The following MAP2K5 variants were observed in gnomAD, a reference collection of about 807,000 sequenced individuals.
MAP2K5 encodes the protein dual specificity mitogen-activated protein kinase kinase 5.
A neutral mutation model predicts 83.1 loss-of-function variants in MAP2K5; 49 were observed. The observed-to-expected ratio is 0.59, with a 90% confidence interval of 0.47 to 0.75. The LOEUF (loss-of-function observed/expected upper bound fraction) is 0.75. Ranked by LOEUF, MAP2K5 falls within the 30% of genes least tolerant of loss-of-function variation. MAP2K5 has a pLI of 0.00. For synonymous variants in MAP2K5, 202 were observed against 191.8 expected, an observed-to-expected ratio of 1.05 and a Z score of -0.44; for missense variants, 457 against 557.5, an observed-to-expected ratio of 0.82 and a Z score of 1.82.
chr15:67,723,288 A>G (rs896713583), intron 16 of MAP2K5, among the ~76,000 whole-genome samples: 1 of 152,218 alleles, frequency 6.6e-6, no homozygotes, highest in Non-Finnish European at 1.5e-5. Flanking sequence ...ACAGGCACAC[A>G]TACAAATATA....
At position 67,781,587 on chromosome 15, in the gene MAP2K5, G is replaced by A. The variant is rs764578708; in HGVS notation, c.1242+8835G>A. Among the ~76,000 whole-genome samples, 29 of 152,170 alleles carry A rather than the reference G, an allele frequency of 1.9e-4. No individual in the cohort carries two copies. The highest frequency in any genetic ancestry group is 3.7e-4 in the Non-Finnish European group (25 of 68,036). On this transcript the variant is annotated intron_variant, in intron 21 of 21. Transcript: ENST00000178640. This position sits in a 1 kb window ranked among gnomAD's most constrained non-coding sequence, Gnocchi z 4.0. ...TCTACCGAGAGACATTTGCTGGAGT[G>A]TGGACTAGTTTCTTTCCAGTATCGT...
rs10775194 is a variant in MAP2K5 at position 67,690,742 on chromosome 15, C to T, written c.848-1737C>T. 0.22 allele frequency among the ~76,000 whole-genome samples: 33,146 copies of T among 151,962 alleles called. 4,815 individuals are homozygous for T. The highest frequency in any genetic ancestry group is 0.53 in the East Asian group (2,718 of 5,154). On this transcript the variant is annotated intron_variant, in intron 13 of 21. Transcript: ENST00000178640. This position sits in a 1 kb window ranked among gnomAD's most constrained non-coding sequence, Gnocchi z 4.3. ...AGAGATGAGGTTTTGCCATGTTGGC[C>T]AGGCTGGTCTTGAACTCCTGACCCC...
chr15:67,585,664 G>T (rs2085272651), intron 4 of MAP2K5: 2 of 497,994 alleles, frequency 4.0e-6, no homozygotes, highest in South Asian at 2.8e-5. Flanking sequence ...GCAGAAATTG[G>T]AATTTATATG....
chr15:67,674,744 A>G (rs1434487369), intron 13 of MAP2K5, among the ~76,000 whole-genome samples: 1 of 152,202 alleles, frequency 6.6e-6, no homozygotes, highest in Non-Finnish European at 1.5e-5. Flanking sequence ...AAGAACTCTC[A>G]AAACTCAATG....
In MAP2K5 at chr15:67,577,998, T is replaced by C. The variant is rs1408954558; in HGVS notation, c.253-2756T>C. On this transcript the variant is annotated intron_variant, in intron 3 of 21. Transcript: ENST00000178640. This position sits in a 1 kb window ranked among gnomAD's most constrained non-coding sequence, Gnocchi z 4.1. The stretch of plus-strand genomic sequence containing the variant: ...CTGGGTGACAGAGCAAGACTCTGTC[T>C]CAAAAAAAAAGAAAACCCCAATTTG... Among the ~76,000 whole-genome samples the C allele has an allele frequency of 6.6e-6, 1 of 151,980 alleles. No individual in the cohort carries two copies. Among genetic ancestry groups the C allele is most frequent in the Non-Finnish European group, 1.5e-5 (1 of 67,958 alleles).
rs71142384 is a variant in MAP2K5, at chr15:67,592,118, C to CAAAAAAAAAAA, written c.432-801_432-791dup. On this transcript the variant is annotated intron_variant, in intron 6 of 21. Transcript: ENST00000178640. ...GGGCAACAAGAGTGAAACTATGTCTCAAAAAAAAAAAAAAAAAGGACTTTC... is the reference window on the plus strand; with the variant it reads ...GGGCAACAAGAGTGAAACTATGTCTCAAAAAAAAAAAAAAAAAAAAAAAAAAAAGGACTTTC... 1.1e-4 allele frequency among the ~76,000 whole-genome samples: 13 copies of CAAAAAAAAAAA among 117,980 alleles called. 5 individuals carry two copies. Among genetic ancestry groups the CAAAAAAAAAAA allele is most frequent in the Non-Finnish European group, 1.7e-4 (10 of 59,038 alleles). 77.4% of individuals were successfully genotyped at this position (117,980 alleles called of 152,430 possible). A position where few individuals can be genotyped will look rare whatever the true frequency, so the allele number is the denominator to read the frequency against.
intron 3 of MAP2K5, among the ~76,000 whole-genome samples, chr15:67,570,274 C>A (rs978575543): frequency 6.6e-6 from 1 of 152,234 alleles, no homozygotes; most frequent in Admixed American, 6.5e-5. Context: ...GTCATTTTCA[C>A]TTTCAAGTCA....
intron 19 of MAP2K5, among the ~76,000 whole-genome samples, chr15:67,767,364 T>C (rs188969727): frequency 6.6e-6 from 1 of 152,340 alleles, no homozygotes. Context: ...TCCAGAATTT[T>C]AACCATCTTG....
At chr15:67,588,201 C>A in intron 6 of MAP2K5, 1 of 521,276 alleles carries the variant, frequency 1.9e-6, no homozygotes, top group Non-Finnish European at 2.5e-6. Flanking sequence ...ACCTCTGTAC[C>A]CCATCCCACC....
intron 16 of MAP2K5, among the ~76,000 whole-genome samples, chr15:67,723,267 CTCTT>C (rs771318247): frequency 5.3e-5 from 8 of 152,140 alleles, no homozygotes; most frequent in Admixed American, 3.3e-4. Context: ...GTTATGATCT[CTCTT>C]TCACGCACAG....
chr15:67,751,096 T>A (rs1252658642), intron 19 of MAP2K5, among the ~76,000 whole-genome samples: 1 of 152,072 alleles, frequency 6.6e-6, no homozygotes, highest in Non-Finnish European at 1.5e-5. Flanking sequence ...AGTCCTGGAA[T>A]GGCCAAAGAT....
At chr15:67,744,042 C>T (rs1323995690) in intron 17 of MAP2K5, among the ~76,000 whole-genome samples, 1 of 152,226 alleles carries the variant, frequency 6.6e-6, no homozygotes, top group African/African-American at 2.4e-5. Flanking sequence ...CGCTGCTCCC[C>T]TCTGAGCCTC....
rs2076518449 is a variant in MAP2K5, at chr15:67,636,049, C to T, written c.585+5122C>T. ...GAATTCATGGGCTCAAGCAATCCAC[C>T]CGCCTCCACCTATCAAAGTGCTGGG... On this transcript the variant is annotated intron_variant, in intron 9 of 21. Coordinates refer to ENST00000178640, the MANE Select transcript of MAP2K5 (RefSeq NM_145160.3). This position sits in a 1 kb window ranked among gnomAD's most constrained non-coding sequence, Gnocchi z 4.7. Among the ~76,000 whole-genome samples, 1 of 152,110 alleles carries T rather than the reference C, an allele frequency of 6.6e-6. No individual in the cohort carries two copies. Among genetic ancestry groups the T allele is most frequent in the African/African-American group, 2.4e-5 (1 of 41,430 alleles).
At chr15:67,795,521 A>G (rs769165447) in intron 21 of MAP2K5, among the ~76,000 whole-genome samples, 1 of 152,212 alleles carries the variant, frequency 6.6e-6, no homozygotes. Flanking sequence ...CCAAGTAGTG[A>G]AAGATGTTTT....
chr15:67,703,456 A>G, intron 16 of MAP2K5, 48 bp downstream of exon 16: 1 of 1,412,670 alleles, frequency 7.1e-7, no homozygotes, highest in Non-Finnish European at 9.9e-7. Context: ...GTACTAATAT[A>G]TTCAATCAGG....
chr15:67,630,865 T>C, intron 8 of MAP2K5, 23 bp from the exon 9 acceptor site: 1 of 1,600,746 alleles, frequency 6.2e-7, no homozygotes, highest in South Asian at 1.1e-5. Flanking sequence ...CCCAAATGAT[T>C]TTGTTTTTTT....
At chr15:67,634,437 T>C (rs1199038635) in intron 9 of MAP2K5, among the ~76,000 whole-genome samples, 1 of 145,046 alleles carries the variant, frequency 6.9e-6, no homozygotes, top group Non-Finnish European at 1.5e-5. Context: ...TATAGGGTAT[T>C]GTATAATGTC....
At chr15:67,704,271 A>G (rs1484071570) in intron 16 of MAP2K5, among the ~76,000 whole-genome samples, 2 of 152,158 alleles carry the variant, frequency 1.3e-5, no homozygotes, top group East Asian at 3.9e-4. Flanking sequence ...TTTTTTCTTA[A>G]TAGAGATAGG....
At chr15:67,765,210 T>C (rs1324807391) in intron 19 of MAP2K5, among the ~76,000 whole-genome samples, 1 of 152,156 alleles carries the variant, frequency 6.6e-6, no homozygotes, top group Non-Finnish European at 1.5e-5. Context: ...AATTCAAAAA[T>C]TAGCTGGGTG....
Sources: allele counts gnomAD v4.1 joint callset (sites outside exome capture counted in the v4.1 genomes callset), GRCh38; gene constraint gnomAD v4.1.1; non-coding constraint Gnocchi (gnomAD v3.1); transcripts MANE v1.5; gene names NCBI Gene and HGNC (gene_info 2026-07-23, HGNC 2026-07-21).